The following SLC25A27 variants were observed in gnomAD, a reference collection of about 807,000 sequenced individuals.
SLC25A27 encodes the protein mitochondrial uncoupling protein 4.
In SLC25A27, 35 loss-of-function variants were observed where a neutral mutation model predicts 49.1. The observed-to-expected ratio is 0.71, with a 90% CI of 0.54 to 0.95. SLC25A27 has a LOEUF of 0.95. Among genes scored for constraint, SLC25A27 ranks in the 40% least tolerant of loss-of-function variants. The pLI is 0.00. For synonymous variants in SLC25A27, 144 were observed against 136.9 expected (o/e 1.05, Z -0.36); for missense variants, 339 against 397.1 (o/e 0.85, Z 1.24).
rs758109118 is a variant in SLC25A27, at chr6:46,662,388, T to C, written c.396T>C (p.Ile132=). 1 of 1,613,884 alleles carries C rather than the reference T, an allele frequency of 6.2e-7. No individual in the cohort carries two copies. Among genetic ancestry groups the C allele is most frequent in the Admixed American group, 1.7e-5 (1 of 59,968 alleles). ...DEHYPLWKSV[I]GGMMAGVIGQ... ...CTTCTGCAATTAGGAAATCAGTCATTGGAGGGATGATGGCTGGTGTTATTG... is the reference window on the plus strand; with the variant it reads ...CTTCTGCAATTAGGAAATCAGTCATCGGAGGGATGATGGCTGGTGTTATTG... The change falls in exon 4 of 9, where the codon ATT becomes ATC. Residue 132 remains isoleucine, a synonymous_variant. Transcript: ENST00000371347.
At chr6:46,672,890 G>T (rs902244717) in intron 8 of SLC25A27, among the ~76,000 whole-genome samples, 4 of 152,226 alleles carry the variant, frequency 2.6e-5, no homozygotes, top group African/African-American at 9.6e-5. Flanking sequence ...TCAAGGAATA[G>T]TAGGTATTTG....
intron 1 of SLC25A27, among the ~76,000 whole-genome samples, chr6:46,654,598 G>A (rs1470719275): frequency 6.6e-6 from 1 of 152,090 alleles, no homozygotes; most frequent in African/African-American, 2.4e-5. Flanking sequence ...TCAAAATGTG[G>A]GATGGTTTTA....
intron 5 of SLC25A27, among the ~76,000 whole-genome samples, chr6:46,665,159 C>T (rs1199682611): frequency 6.6e-6 from 1 of 152,106 alleles, no homozygotes; most frequent in African/African-American, 2.4e-5. Flanking sequence ...TAAGGCCTCC[C>T]CTCCAGTCCA....
At chr6:46,671,694 A>G (rs1763552293) in intron 8 of SLC25A27, among the ~76,000 whole-genome samples, 1 of 152,074 alleles carries the variant, frequency 6.6e-6, no homozygotes, top group Non-Finnish European at 1.5e-5. Flanking sequence ...ATATTATGTC[A>G]TTTTTATTTG....
chr6:46,664,066 A>G (rs1763248455), intron 4 of SLC25A27, among the ~76,000 whole-genome samples: 3 of 152,122 alleles, frequency 2.0e-5, no homozygotes, highest in Non-Finnish European at 2.9e-5. Context: ...TTTTGGTGAG[A>G]TTCAGAGAGT....
In SLC25A27 at chr6:46,658,913, A is replaced by G. The variant is rs192612191; in HGVS notation, c.299-49A>G. 6.3e-4 allele frequency: 760 copies of G among 1,213,128 alleles called. 4 individuals carry two copies. The African/African-American group carries it at 8.3e-3, about 13-fold the overall frequency. 75.1% of individuals were successfully genotyped at this position (1,213,128 alleles called of 1,614,324 possible). On this transcript the variant is annotated intron_variant, in intron 2 of 8. Transcript: ENST00000371347. ...TCTTATTTTATACATACATAAGCATATAGATACATATAGCCAAAGTTACCT... is the reference window on the plus strand; with the variant it reads ...TCTTATTTTATACATACATAAGCATGTAGATACATATAGCCAAAGTTACCT...
intron 4 of SLC25A27, among the ~76,000 whole-genome samples, chr6:46,663,688 G>GTACATA (rs1763236557): frequency 6.6e-6 from 1 of 151,338 alleles, no homozygotes; most frequent in African/African-American, 2.4e-5. Context: ...ACCTAATGTA[G>GTACATA]TACACTTTAA....
At position 46,676,755 on chromosome 6, in the gene SLC25A27, G is replaced by C. The variant is rs1763809128; in HGVS notation, c.*301G>C. On this transcript the variant is annotated 3_prime_UTR_variant, in exon 9 of 9. Coordinates refer to ENST00000371347, the MANE Select transcript of SLC25A27 (RefSeq NM_004277.5). ...CCTTGGGCAAGAAGGTTTGGCCTTT[G>C]AGTTGCTATTCTATGCTGAAGAGCC... 11 of 1,403,528 alleles carry C rather than the reference G, an allele frequency of 7.8e-6. No homozygotes were observed. Among genetic ancestry groups the C allele is most frequent in the Middle Eastern group, 1.8e-4 (1 of 5,708 alleles). 86.9% of individuals were successfully genotyped at this position (1,403,528 alleles called of 1,614,324 possible). A position where few individuals can be genotyped will look rare whatever the true frequency, so the allele number is the denominator to read the frequency against.
In SLC25A27 at chr6:46,677,855, C is replaced by T. The variant is rs559001076; in HGVS notation, c.*1401C>T. ...CTTTGTGGTTGCACTAATGTATACT[C>T]ACTGCCATTTTAAGAGGGGGAAGTA... On this transcript the variant is annotated 3_prime_UTR_variant, in exon 9 of 9. Coordinates refer to ENST00000371347, the MANE Select transcript of SLC25A27 (RefSeq NM_004277.5). The T allele has an allele frequency of 6.6e-6, 1 of 152,502 alleles. No homozygotes were observed. Among genetic ancestry groups the T allele is most frequent in the South Asian group, 2.1e-4 (1 of 4,824 alleles). The allele number at this position is 152,502 out of a possible 1,614,324, so 9.4% of individuals were successfully genotyped here. A position where few individuals can be genotyped will look rare whatever the true frequency, so the allele number is the denominator to read the frequency against.
At position 46,677,663 on chromosome 6, in the gene SLC25A27, A is replaced by T. The variant is rs1283310748; in HGVS notation, c.*1209A>T. On this transcript the variant is annotated 3_prime_UTR_variant, in exon 9 of 9. Coordinates refer to ENST00000371347, the MANE Select transcript of SLC25A27 (RefSeq NM_004277.5). ...ACATACCACCGGCTCTCCCAACCTC[A>T]GACGGTGGGCATTTCTGGATGGATG... The T allele has an allele frequency of 6.6e-6, 1 of 152,410 alleles. No individual in the cohort carries two copies. The highest frequency in any genetic ancestry group is 1.9e-4 in the East Asian group (1 of 5,202). The allele number at this position is 152,410 out of a possible 1,614,324, so 9.4% of individuals were successfully genotyped here. A position where few individuals can be genotyped will look rare whatever the true frequency, so the allele number is the denominator to read the frequency against.
At position 46,653,059 on chromosome 6, in the gene SLC25A27, C is replaced by G. The variant is rs1194596334; in HGVS notation, c.-134C>G. ...AAGGTTGCGGGTCCACCCGGCCGAG[C>G]CGAACGAGGGAAATGGTCCTCACCC... On this transcript the variant is annotated 5_prime_UTR_variant, in exon 1 of 9. Coordinates refer to ENST00000371347, the MANE Select transcript of SLC25A27 (RefSeq NM_004277.5). The G allele has an allele frequency of 7.3e-6, 6 of 822,048 alleles. No homozygotes were observed. Among genetic ancestry groups the G allele is most frequent in the African/African-American group, 6.8e-5 (4 of 58,402 alleles). 50.9% of individuals were successfully genotyped at this position (822,048 alleles called of 1,614,324 possible).
At chr6:46,671,253 T>C (rs773205435) in intron 8 of SLC25A27, 25 bp downstream of exon 8, 4 of 1,315,748 alleles carry the variant, frequency 3.0e-6, no homozygotes, top group South Asian at 2.7e-5. Context: ...ACTTCCTTTG[T>C]TTTTTTTCTT....
intron 1 of SLC25A27, among the ~76,000 whole-genome samples, chr6:46,655,445 G>C (rs1762939081): frequency 6.8e-6 from 1 of 148,066 alleles, no homozygotes; most frequent in African/African-American, 2.5e-5. Context: ...CCATTGAAAA[G>C]CAAAAATTAA....
Position 46,653,624 on chromosome 6 carries a change from G to A in SLC25A27, c.106+326G>A, listed in dbSNP as rs1379154348. 6.1e-6 allele frequency: 6 copies of A among 985,352 alleles called. No homozygotes were observed. The East Asian group carries it at 6.8e-4, about 112-fold the overall frequency. 61.0% of individuals were successfully genotyped at this position (985,352 alleles called of 1,614,324 possible). ...TCATGAGGATGACCTTTTTAAAAACGTAATCTGTTTTCCATCCTTACTGAG... is the reference window on the plus strand; with the variant it reads ...TCATGAGGATGACCTTTTTAAAAACATAATCTGTTTTCCATCCTTACTGAG... On this transcript the variant is annotated intron_variant, in intron 1 of 8. Coordinates refer to ENST00000371347, the MANE Select transcript of SLC25A27 (RefSeq NM_004277.5).
chr6:46,667,683 C>A (rs984503682), intron 5 of SLC25A27, among the ~76,000 whole-genome samples: 1 of 152,160 alleles, frequency 6.6e-6, no homozygotes, highest in Admixed American at 6.5e-5. Context: ...GTTCAAATGT[C>A]CACTTATCAA....
Position 46,676,523 on chromosome 6 carries a change from T to C in SLC25A27, c.*69T>C. The C allele has an allele frequency of 1.9e-6, 3 of 1,611,256 alleles. No individual in the cohort carries two copies. The highest frequency in any genetic ancestry group is 2.5e-6 in the Non-Finnish European group (3 of 1,178,212). ...TTGAAATATGGGCATCTGCAACACA[T>C]ACCCCCTATTATTTCTACCTCTTTA... On this transcript the variant is annotated 3_prime_UTR_variant, in exon 9 of 9. Transcript: ENST00000371347.
At chr6:46,672,688 T>C (rs990170965) in intron 8 of SLC25A27, among the ~76,000 whole-genome samples, 2 of 151,952 alleles carry the variant, frequency 1.3e-5, no homozygotes, top group African/African-American at 4.8e-5. Flanking sequence ...CAGGGAAGAT[T>C]TGGGGATAAA....
At position 46,662,418 on chromosome 6, in the gene SLC25A27, G is replaced by A. The variant is rs201879117; in HGVS notation, c.426G>A (p.Gln142=). 4.0e-4 allele frequency: 647 copies of A among 1,613,620 alleles called. 1 individual carries two copies. Among genetic ancestry groups the A allele is most frequent in the Middle Eastern group, 1.2e-3 (7 of 6,084 alleles). Residue 142 remains glutamine, a synonymous_variant, in exon 4 of 9, where the codon CAG becomes CAA. Transcript: ENST00000371347. ...IGGMMAGVIG[Q]FLANPTDLVK... is the part of the protein sequence containing the mutation. ...GGATGATGGCTGGTGTTATTGGCCA[G>A]TTTTTAGCCAATCCAACTGACCTAG... is the stretch of plus-strand genomic sequence containing the variant.
chr6:46,661,248 A>G (rs1040109195), intron 3 of SLC25A27, among the ~76,000 whole-genome samples: 1 of 152,174 alleles, frequency 6.6e-6, no homozygotes, highest in Non-Finnish European at 1.5e-5. Context: ...ATGATAATGT[A>G]TGTGCTCATC....
Sources: gnomAD v4.1 joint callset for allele counts (sites outside exome capture counted in the v4.1 genomes callset) on GRCh38, gnomAD v4.1.1 for gene constraint, MANE v1.5 for transcripts, NCBI Gene and HGNC (gene_info 2026-07-23, HGNC 2026-07-21) for gene names.